The following GABRG2 variants were observed in gnomAD, a reference collection of about 807,000 sequenced individuals.
GABRG2 encodes the protein gamma-aminobutyric acid receptor subunit gamma-2.
A neutral mutation model predicts 56.4 loss-of-function variants in GABRG2; 16 were observed. That is an observed-to-expected ratio of 0.28 (90% confidence interval 0.19 to 0.43). GABRG2 has a LOEUF of 0.43. Ranked by LOEUF, GABRG2 falls within the 20% of genes least tolerant of loss-of-function variation. The pLI, the probability that GABRG2 is intolerant of heterozygous loss-of-function variation, is 1.00. For missense variants in GABRG2, 327 were observed against 582.7 expected, an observed-to-expected ratio of 0.56 and a Z score of 4.52; for synonymous variants, 208 against 205.5, an observed-to-expected ratio of 1.01 and a Z score of -0.10.
intron 7 of GABRG2, among the ~76,000 whole-genome samples, chr5:162,147,791 C>T (rs1406049342): frequency 6.6e-6 from 1 of 152,110 alleles, no homozygotes; most frequent in African/African-American, 2.4e-5. Context: ...CTTTATTTTT[C>T]TTTTCTGTCC....
rs776876970 is a variant in GABRG2, at chr5:162,142,285, T to C, written c.891T>C (p.Asn297=). The C allele has an allele frequency of 6.2e-7, 1 of 1,614,128 alleles. No homozygotes were observed. The highest frequency in any genetic ancestry group is 8.5e-7 in the Non-Finnish European group (1 of 1,179,992). Residue 297 remains asparagine (N), a synonymous_variant, in exon 7 of 10, where the codon AAT becomes AAC. Coordinates refer to ENST00000639213, the MANE Select transcript of GABRG2 (RefSeq NM_198904.4). The part of the protein sequence containing the change: ...VVLSWVSFWI[N]KDAVPARTSL... ...TATCCTGGGTGTCTTTCTGGATCAA[T>C]AAGGATGCTGTTCCAGCCAGAACAT...
chr5:162,116,348 CAAAT>C (rs1350592969), intron 6 of GABRG2, among the ~76,000 whole-genome samples: 1 of 150,278 alleles, frequency 6.7e-6, no homozygotes, highest in African/African-American at 2.5e-5. Flanking sequence ...GCTATGGTAA[CAAAT>C]AACCCTCAAA....
At chr5:162,074,365 C>T (rs535105775) in intron 1 of GABRG2, among the ~76,000 whole-genome samples, 17 of 152,044 alleles carry the variant, frequency 1.1e-4, no homozygotes, top group South Asian at 1.0e-3. Flanking sequence ...ATGTAAGTAC[C>T]AAACAACATA....
At chr5:162,069,580 C>T (rs1455840333) in intron 1 of GABRG2, among the ~76,000 whole-genome samples, 1 of 152,142 alleles carries the variant, frequency 6.6e-6, no homozygotes, top group Non-Finnish European at 1.5e-5. Flanking sequence ...GAAAGCCTCA[C>T]TTTGGAGTTT....
chr5:162,110,709 C>T (rs1762192895), intron 6 of GABRG2, among the ~76,000 whole-genome samples: 3 of 152,056 alleles, frequency 2.0e-5, no homozygotes, highest in African/African-American at 7.2e-5. Context: ...TAAACAACTA[C>T]AGCACCAATC....
At chr5:162,151,668 ATT>A in intron 8 of GABRG2, 60 bp from the exon 9 acceptor site, 1 of 1,367,800 alleles carries the variant, frequency 7.3e-7, no homozygotes, top group African/African-American at 1.5e-5. Flanking sequence ...TTTTTTTTTC[ATT>A]TTTTTTCTCC....
intron 1 of GABRG2, among the ~76,000 whole-genome samples, chr5:162,070,858 A>G (rs1758617874): frequency 6.6e-6 from 1 of 151,974 alleles, no homozygotes; most frequent in Admixed American, 6.6e-5. Flanking sequence ...ATTCAACAGG[A>G]GTATTTTCAA....
rs759598497 is a variant in GABRG2 at position 162,153,246 on chromosome 5, G to A, written c.1306G>A (p.Ala436Thr). The A allele has an allele frequency of 1.2e-6, 2 of 1,613,984 alleles. No homozygotes were observed. The highest frequency in any genetic ancestry group is 1.1e-5 in the South Asian group (1 of 91,086). ...CTGTTTTGAAGATTGTCGAACAGGA[G>A]CTTGGAGACATGGGAGGATACATAT... ...FCCFEDCRTG[A>T]WRHGRIHIRI... Residue 436 changes from alanine to threonine, a missense_variant, in exon 10 of 10, where the codon GCT (alanine) becomes ACT (threonine). Transcript: ENST00000639213.
Position 162,145,109 on chromosome 5 carries a change from C to G in GABRG2, c.922+2793C>G, listed in dbSNP as rs142420608. 1.2e-4 allele frequency among the ~76,000 whole-genome samples: 18 copies of G among 152,280 alleles called. No individual in the cohort carries two copies. In the East Asian group the frequency reaches 3.1e-3, roughly 26 times the overall value. ...ACCTTAAGCACACGCAGACCTTAAG[C>G]TTCTTGCCACGGAACAGTTAGGCCA... On this transcript the variant is annotated intron_variant, in intron 7 of 9. Transcript: ENST00000639213.
rs532218101 is a variant in GABRG2 at position 162,135,471 on chromosome 5, C to T, written c.770-6693C>T. 4.6e-5 allele frequency among the ~76,000 whole-genome samples: 7 copies of T among 152,276 alleles called. No individual in the cohort carries two copies. The South Asian group carries it at 1.4e-3, about 32-fold the overall frequency. ...GTAACAAATAATTGTGGAATTCCCT[C>T]TATGTCCCAGGCACTGTGCTAGATG... On this transcript the variant is annotated intron_variant, in intron 6 of 9. Coordinates refer to ENST00000639213, the MANE Select transcript of GABRG2 (RefSeq NM_198904.4).
At chr5:162,129,230 G>A in intron 6 of GABRG2, 1 of 151,936 alleles carries the variant, frequency 6.6e-6, no homozygotes, top group Non-Finnish European at 1.5e-5. Flanking sequence ...CAGAAGATAA[G>A]CTACATGAAA....
chr5:162,097,901 A>G, intron 4 of GABRG2, 43 bp downstream of exon 4: 1 of 1,508,356 alleles, frequency 6.6e-7, no homozygotes, highest in Non-Finnish European at 9.2e-7. Flanking sequence ...TAGGAAGAAA[A>G]CAAACAAACA....
chr5:162,148,856 A>G (rs771349889), intron 7 of GABRG2, among the ~76,000 whole-genome samples: 5 of 152,314 alleles, frequency 3.3e-5, no homozygotes, highest in South Asian at 2.1e-4. Flanking sequence ...TTCACAGTAT[A>G]TCTCTCTCAC....
chr5:162,149,544 G>C (rs762909669), intron 8 of GABRG2: 1 of 758,878 alleles, frequency 1.3e-6, no homozygotes, highest in Non-Finnish European at 2.4e-6. Flanking sequence ...ATAATTACCT[G>C]CTCTCTTTAT....
intron 1 of GABRG2, among the ~76,000 whole-genome samples, chr5:162,081,613 A>T (rs1025646091): frequency 2.0e-5 from 3 of 152,058 alleles, no homozygotes; most frequent in African/African-American, 7.2e-5. Flanking sequence ...AATACTTTTG[A>T]GATTCATCTA....
intron 1 of GABRG2, among the ~76,000 whole-genome samples, chr5:162,093,339 T>C (rs1760751618): frequency 6.6e-6 from 1 of 152,096 alleles, no homozygotes; most frequent in South Asian, 2.1e-4. Flanking sequence ...CTCCTTAGTG[T>C]TCAAGTTAGC....
intron 1 of GABRG2, among the ~76,000 whole-genome samples, chr5:162,077,812 A>C (rs2113163764): frequency 6.6e-6 from 1 of 152,226 alleles, no homozygotes; most frequent in Middle Eastern, 3.4e-3. Flanking sequence ...CTAGAAAATC[A>C]ACTTTCATGC....
intron 7 of GABRG2, among the ~76,000 whole-genome samples, chr5:162,145,161 A>T (rs1277873720): frequency 1.3e-5 from 2 of 152,214 alleles, no homozygotes; most frequent in African/African-American, 4.8e-5. Context: ...AGATAAATTT[A>T]TCCACGTTGA....
chr5:162,111,230 C>T lies in GABRG2; in HGVS notation c.769+7204C>T, dbSNP rs555035771. Among the ~76,000 whole-genome samples the T allele has an allele frequency of 2.0e-5, 3 of 152,170 alleles. No homozygotes were observed. In the South Asian group the frequency reaches 6.2e-4, roughly 32 times the overall value. On this transcript the variant is annotated intron_variant, in intron 6 of 9. Coordinates refer to ENST00000639213, the MANE Select transcript of GABRG2 (RefSeq NM_198904.4). ...TTTTTAATTTAGAGGAAGCAGTTTTCCCCCCTATCTATTTTGTTCTTAGTG... is the reference window on the plus strand; with the variant it reads ...TTTTTAATTTAGAGGAAGCAGTTTTTCCCCCTATCTATTTTGTTCTTAGTG...
Sources: allele counts gnomAD v4.1 joint callset (sites outside exome capture counted in the v4.1 genomes callset), GRCh38; gene constraint gnomAD v4.1.1; transcripts MANE v1.5; gene names NCBI Gene and HGNC (gene_info 2026-07-23, HGNC 2026-07-21).